SHANK2: variants seen among roughly 807,000 people sequenced by gnomAD.
SHANK2 encodes the protein SH3 and multiple ankyrin repeat domains protein 2.
A neutral mutation model predicts 133.7 loss-of-function variants in SHANK2; 43 were observed. That is an observed-to-expected ratio of 0.32 (90% confidence interval 0.25 to 0.41). SHANK2 has a LOEUF of 0.41. Ranked by LOEUF, SHANK2 falls within the 10% of genes least tolerant of loss-of-function variation. SHANK2 has a pLI of 1.00. For synonymous variants in SHANK2, 1,017 were observed against 952.8 expected, an observed-to-expected ratio of 1.07 and a Z score of -1.24; for missense variants, 1,994 against 2,235.8, an observed-to-expected ratio of 0.89 and a Z score of 2.18.
At chr11:71,158,027 C>G (rs1315492446) in intron 2 of SHANK2, among the ~76,000 whole-genome samples, 2 of 152,148 alleles carry the variant, frequency 1.3e-5, no homozygotes, top group African/African-American at 4.8e-5. Flanking sequence ...TAGTCATGAC[C>G]AAAGTCTTGG....
intron 17 of SHANK2, among the ~76,000 whole-genome samples, chr11:70,582,643 G>A (rs1405351717): frequency 3.9e-5 from 6 of 152,228 alleles, no homozygotes; most frequent in Non-Finnish European, 8.8e-5. Context: ...ACCCAGTCGG[G>A]TGTGGGGATG....
chr11:70,593,008 C>A (rs150412997), intron 17 of SHANK2, among the ~76,000 whole-genome samples: 1 of 152,162 alleles, frequency 6.6e-6, no homozygotes, highest in African/African-American at 2.4e-5. Flanking sequence ...CTGCAGCTAT[C>A]GGAGGGGTGG....
intron 11 of SHANK2, among the ~76,000 whole-genome samples, chr11:70,893,995 C>T (rs545810882): frequency 3.9e-5 from 6 of 152,284 alleles, no homozygotes; most frequent in East Asian, 1.9e-4. Flanking sequence ...AAAATGTATT[C>T]GCCCAACAAA....
intron 17 of SHANK2, among the ~76,000 whole-genome samples, chr11:70,548,172 A>G (rs1434579196): frequency 1.3e-5 from 2 of 152,240 alleles, no homozygotes; most frequent in Non-Finnish European, 2.9e-5. Context: ...GGCTGTGCCC[A>G]GACACTGGCC....
intron 14 of SHANK2, among the ~76,000 whole-genome samples, chr11:70,787,643 G>T (rs1210876): frequency 6.7e-6 from 1 of 149,770 alleles, no homozygotes; most frequent in Non-Finnish European, 1.5e-5. Context: ...CACCATGACC[G>T]CCACCAACAC....
intron 11 of SHANK2, among the ~76,000 whole-genome samples, chr11:70,834,006 T>G (rs1555059309): frequency 6.6e-6 from 1 of 152,216 alleles, no homozygotes; most frequent in African/African-American, 2.4e-5. Context: ...GAGCGTCACC[T>G]TCAACTTAAA....
chr11:70,469,948 A>G lies in SHANK2; in HGVS notation c.*2921T>C, dbSNP rs2058578230. The G allele has an allele frequency of 1.3e-5, 2 of 152,636 alleles. No individual in the cohort carries two copies. Among genetic ancestry groups the G allele is most frequent in the South Asian group, 4.1e-4 (2 of 4,832 alleles). 9.5% of individuals were successfully genotyped at this position (152,636 alleles called of 1,614,324 possible). A position where few individuals can be genotyped will look rare whatever the true frequency, so the allele number is the denominator to read the frequency against. On this transcript the variant is annotated 3_prime_UTR_variant, in exon 26 of 26. Transcript: ENST00000601538. ...GGGTTTTGTATACACAATATTACAG[A>G]AACTAGGCATGTAAATGCAGTTTAT...
chr11:70,919,222 TC>T (rs1950313801), intron 10 of SHANK2, among the ~76,000 whole-genome samples: 1 of 152,088 alleles, frequency 6.6e-6, no homozygotes, highest in South Asian at 2.1e-4. Context: ...AATGGCTAAA[TC>T]GAGCTGATGA....
At chr11:71,176,643 A>C (rs1565496952) in intron 2 of SHANK2, among the ~76,000 whole-genome samples, 1 of 152,200 alleles carries the variant, frequency 6.6e-6, no homozygotes, top group East Asian at 1.9e-4. Flanking sequence ...GAGCAATAGA[A>C]ACTGCCTAAA....
chr11:70,611,111 A>G (rs572844872), intron 17 of SHANK2, among the ~76,000 whole-genome samples: 91 of 152,342 alleles, frequency 6.0e-4, no homozygotes, highest in African/African-American at 2.2e-3. Context: ...GCCTTTTCAC[A>G]TGTGAAGCCA....
rs527891836 is a variant in SHANK2 at position 70,954,115 on chromosome 11, T to A, written c.1108-57548A>T. Among the ~76,000 whole-genome samples, 238 of 152,352 alleles carry A rather than the reference T, an allele frequency of 1.6e-3. 7 individuals carry two copies. In the South Asian group the frequency reaches 0.048, roughly 30 times the overall value. ...CACTCATCGGGGAAGAGGAAGGTCCTGGGAGAAAACGCCATGACCTTGTTC... is the reference window on the plus strand; with the variant it reads ...CACTCATCGGGGAAGAGGAAGGTCCAGGGAGAAAACGCCATGACCTTGTTC... On this transcript the variant is annotated intron_variant, in intron 10 of 25. Transcript: ENST00000601538.
At chr11:70,652,938 T>C (rs73523896) in intron 17 of SHANK2, among the ~76,000 whole-genome samples, 8,867 of 152,234 alleles carry the variant, frequency 0.058, 341 homozygotes, top group South Asian at 0.12. Context: ...GCAAGCATAA[T>C]GACTGATCAT....
chr11:71,110,237 G>T lies in SHANK2; in HGVS notation c.484-188C>A, dbSNP rs563274109. 3.7e-4 allele frequency among the ~76,000 whole-genome samples: 57 copies of T among 152,280 alleles called. 1 individual carries two copies. The highest frequency in any genetic ancestry group is 1.3e-3 in the African/African-American group (56 of 41,556). ...GCAGATCACGAGGTCAGGAGATCGAGACCATCCTGGCTAACACGGTGAAAC... is the reference window on the plus strand; with the variant it reads ...GCAGATCACGAGGTCAGGAGATCGATACCATCCTGGCTAACACGGTGAAAC... On this transcript the variant is annotated intron_variant, in intron 5 of 25. Coordinates refer to ENST00000601538, the MANE Select transcript of SHANK2 (RefSeq NM_012309.5).
intron 14 of SHANK2, among the ~76,000 whole-genome samples, chr11:70,699,692 G>A (rs1264401955): frequency 6.6e-6 from 1 of 152,222 alleles, no homozygotes. Context: ...AGGGAATTGA[G>A]AAAGGTCTCC....
At chr11:71,076,623 C>T (rs1194511502) in intron 8 of SHANK2, among the ~76,000 whole-genome samples, 2 of 152,312 alleles carry the variant, frequency 1.3e-5, no homozygotes, top group African/African-American at 2.4e-5. Context: ...AAGTAGATCC[C>T]TGTTGCAGGT....
Position 70,486,720 on chromosome 11 carries a change from C to G in SHANK2, c.3573G>C (p.Ala1191=). The change falls in exon 25 of 26, where the codon GCG becomes GCC. Residue 1191 remains alanine (A), a synonymous_variant. Transcript: ENST00000601538. The surrounding 1 kb of genome is among the most constrained non-coding windows in gnomAD (Gnocchi z 8.0). ...TCCCGGGGCCGGCTGTGCCGCTGCTCGCGGAGGGCACTGCTGGGCTGCTCT... is the reference window on the plus strand; with the variant it reads ...TCCCGGGGCCGGCTGTGCCGCTGCTGGCGGAGGGCACTGCTGGGCTGCTCT... ...GPESSPAVPS[A]SSGTAGPGNY... is the part of the protein sequence containing the mutation. 1 of 1,610,362 alleles carries G rather than the reference C, an allele frequency of 6.2e-7. No individual in the cohort carries two copies. The highest frequency in any genetic ancestry group is 8.5e-7 in the Non-Finnish European group (1 of 1,179,940).
At chr11:71,119,813 C>T (rs574019984) in intron 3 of SHANK2, among the ~76,000 whole-genome samples, 30 of 152,130 alleles carry the variant, frequency 2.0e-4, no homozygotes, top group Non-Finnish European at 2.9e-5. Context: ...CTGCTGCTGC[C>T]GTCCTGGGGA....
intron 14 of SHANK2, among the ~76,000 whole-genome samples, chr11:70,702,081 C>A (rs578137776): frequency 6.6e-6 from 1 of 151,406 alleles, no homozygotes; most frequent in East Asian, 2.0e-4. Context: ...ACATCATCAC[C>A]GCCATCATCA....
At chr11:70,592,598 T>C (rs1431562032) in intron 17 of SHANK2, among the ~76,000 whole-genome samples, 10 of 152,026 alleles carry the variant, frequency 6.6e-5, no homozygotes, top group Admixed American at 6.5e-4. Flanking sequence ...TCTGTCCCTC[T>C]GTCTGCACCC....
Sources: gnomAD v4.1 joint callset for allele counts (sites outside exome capture counted in the v4.1 genomes callset) on GRCh38, gnomAD v4.1.1 for gene constraint, Gnocchi (gnomAD v3.1) non-coding constraint, MANE v1.5 for transcripts, NCBI Gene and HGNC (gene_info 2026-07-23, HGNC 2026-07-21) for gene names.